The following SLC39A8 variants were observed in gnomAD, a reference collection of about 807,000 sequenced individuals.
SLC39A8 encodes the protein metal cation symporter ZIP8.
Under a neutral mutation model 40.4 loss-of-function variants are expected in SLC39A8, and 15 were observed. That is an observed-to-expected ratio of 0.37 (90% CI 0.25 to 0.57). SLC39A8 has a LOEUF of 0.57. Ranked by LOEUF, SLC39A8 falls within the 20% of genes least tolerant of loss-of-function variation. The pLI is 0.75. For missense variants in SLC39A8, 472 were observed against 558.8 expected (o/e 0.84, Z 1.57); for synonymous variants, 223 against 221.6 (o/e 1.01, Z -0.06).
chr4:102,323,202 TCTC>T (rs1177784246), intron 2 of SLC39A8, among the ~76,000 whole-genome samples: 1 of 152,204 alleles, frequency 6.6e-6, no homozygotes, highest in Non-Finnish European at 1.5e-5. Flanking sequence ...CCATTCCACT[TCTC>T]CTTCATTCTC....
chr4:102,260,802 T>C (rs1351716349), downstream of SLC39A8, among the ~76,000 whole-genome samples: 1 of 152,238 alleles, frequency 6.6e-6, no homozygotes, highest in East Asian at 1.9e-4. Flanking sequence ...CAAGTATAAC[T>C]ACCTCCACAA....
Position 102,307,609 on chromosome 4 carries a change from TGGGTCAGA to T in SLC39A8, c.383-12_383-5del, listed in dbSNP as rs1436884014. 6.2e-7 allele frequency: 1 copy of T among 1,611,600 alleles called. No homozygotes were observed. The highest frequency in any genetic ancestry group is 1.7e-5 in the Admixed American group (1 of 59,668). Reference sequence around the variant, plus strand: ...GACAGGAATCCATATCCCCAAACTGTGGGTCAGAGGGAAAAGAGAGTAGAAATTAATCA... The same window carrying T: ...GACAGGAATCCATATCCCCAAACTGTGGGAAAAGAGAGTAGAAATTAATCA... On this transcript the variant is annotated splice_polypyrimidine_tract_variant and splice_region_variant and intron_variant, in intron 3 of 8. Transcript: ENST00000356736.
At chr4:102,291,870 A>T (rs1337240122) in intron 6 of SLC39A8, among the ~76,000 whole-genome samples, 1 of 151,934 alleles carries the variant, frequency 6.6e-6, no homozygotes. Flanking sequence ...TGCAGCCTTT[A>T]AAAAGAAGGA....
intron 2 of SLC39A8, among the ~76,000 whole-genome samples, chr4:102,320,839 A>T (rs1182761975): frequency 1.3e-5 from 2 of 150,308 alleles, no homozygotes; most frequent in African/African-American, 4.9e-5. Flanking sequence ...GAACTCTAAC[A>T]TACCCCTATT....
chr4:102,265,452 T>A (rs1161899860), intron 8 of SLC39A8, among the ~76,000 whole-genome samples: 1 of 152,078 alleles, frequency 6.6e-6, no homozygotes, highest in Non-Finnish European at 1.5e-5. Flanking sequence ...TAACAGATAT[T>A]ATAATAATAA....
chr4:102,281,394 A>C (rs1732863258), intron 6 of SLC39A8, among the ~76,000 whole-genome samples: 1 of 152,188 alleles, frequency 6.6e-6, no homozygotes, highest in Non-Finnish European at 1.5e-5. Flanking sequence ...GCTGCCTGTC[A>C]TGTCTTAACA....
chr4:102,284,104 TTGTATTTTATG>T (rs1430147470), intron 6 of SLC39A8, among the ~76,000 whole-genome samples: 2 of 152,220 alleles, frequency 1.3e-5, no homozygotes, highest in African/African-American at 4.8e-5. Flanking sequence ...AAATTTATTT[TTGTATTTTATG>T]TGTATAAATG....
intron 2 of SLC39A8, among the ~76,000 whole-genome samples, chr4:102,316,419 T>C (rs944369882): frequency 1.3e-5 from 2 of 152,194 alleles, no homozygotes; most frequent in Non-Finnish European, 1.5e-5. Flanking sequence ...AACTTTTCTA[T>C]ATTAAGTTTT....
At position 102,332,223 on chromosome 4, in the gene SLC39A8, A is replaced by G. The variant is rs547637689; in HGVS notation, c.219+12221T>C. Among the ~76,000 whole-genome samples, 273 of 152,344 alleles carry G rather than the reference A, an allele frequency of 1.8e-3. 2 individuals carry two copies. Among genetic ancestry groups the G allele is most frequent in the African/African-American group, 6.3e-3 (262 of 41,576 alleles). On this transcript the variant is annotated intron_variant, in intron 2 of 8. Coordinates refer to ENST00000356736, the MANE Select transcript of SLC39A8 (RefSeq NM_001135146.2). Reference sequence around the variant, plus strand: ...GCAAAAGAAGCTATCATCAAAGTGAACAGGCAACCTACAGAATGGGTGAAA... The same window carrying G: ...GCAAAAGAAGCTATCATCAAAGTGAGCAGGCAACCTACAGAATGGGTGAAA...
chr4:102,271,830 C>A (rs983480644), intron 6 of SLC39A8, among the ~76,000 whole-genome samples: 1 of 152,160 alleles, frequency 6.6e-6, no homozygotes, highest in Non-Finnish European at 1.5e-5. Context: ...ACAGTGGGCT[C>A]AATACATATA....
At chr4:102,299,959 C>G (rs1432146208) in intron 6 of SLC39A8, among the ~76,000 whole-genome samples, 1 of 152,058 alleles carries the variant, frequency 6.6e-6, no homozygotes, top group African/African-American at 2.4e-5. Context: ...TGACTCCACA[C>G]TTGGCTACAC....
At chr4:102,344,936 G>C in intron 1 of SLC39A8, 21 bp from the exon 2 acceptor site, 1 of 1,236,176 alleles carries the variant, frequency 8.1e-7, no homozygotes, top group Non-Finnish European at 1.0e-6. Flanking sequence ...GAGGACAAAG[G>C]GGGACAGAGA....
At chr4:102,311,849 G>T (rs1734439402) in intron 3 of SLC39A8, among the ~76,000 whole-genome samples, 2 of 151,734 alleles carry the variant, frequency 1.3e-5, no homozygotes, top group Non-Finnish European at 2.9e-5. Context: ...TTATTGCTTT[G>T]GATGAGCTAA....
chr4:102,276,660 C>G (rs544492141), intron 6 of SLC39A8, among the ~76,000 whole-genome samples: 3 of 152,286 alleles, frequency 2.0e-5, no homozygotes, highest in Admixed American at 2.0e-4. Flanking sequence ...CATCCTGATA[C>G]CAAAACCAGG....
chr4:102,304,479 A>G lies in SLC39A8; in HGVS notation c.678T>C (p.Asn226=). The change falls in exon 6 of 9, where the codon AAT becomes AAC. Residue 226 remains asparagine, a splice_region_variant and synonymous_variant. Coordinates refer to ENST00000356736, the MANE Select transcript of SLC39A8 (RefSeq NM_001135146.2). ...LKMLLKTYGQ[N]GHTHFGNDNF... ...TATCATTTCCAAAGTGGGTATGACC[A>G]TTCTATATGGGAACAAAAACCAAAG... is the stretch of plus-strand genomic sequence containing the variant. 6.2e-7 allele frequency: 1 copy of G among 1,608,182 alleles called. No individual in the cohort carries two copies. Among genetic ancestry groups the G allele is most frequent in the Non-Finnish European group, 8.5e-7 (1 of 1,176,794 alleles).
At chr4:102,256,834 G>C (rs1422733955), downstream of SLC39A8, among the ~76,000 whole-genome samples, 2 of 152,172 alleles carry the variant, frequency 1.3e-5, no homozygotes, top group East Asian at 3.9e-4. Context: ...AGGTGAGGCA[G>C]GTCCATTAAT....
rs564436936 is a variant in SLC39A8, at chr4:102,316,828, A to C, written c.220-998T>G. On this transcript the variant is annotated intron_variant, in intron 2 of 8. Coordinates refer to ENST00000356736, the MANE Select transcript of SLC39A8 (RefSeq NM_001135146.2). ...ATGGTATTTGGAGATGGGGCCTTTG[A>C]GAGGTAATTAAGTTTAGATGAGTTC... is the stretch of plus-strand genomic sequence containing the variant. Among the ~76,000 whole-genome samples the C allele has an allele frequency of 1.6e-4, 24 of 152,218 alleles. No individual in the cohort carries two copies. The South Asian group carries it at 4.8e-3, about 30-fold the overall frequency.
chr4:102,282,013 G>T (rs1008619140), intron 6 of SLC39A8, among the ~76,000 whole-genome samples: 2 of 152,136 alleles, frequency 1.3e-5, no homozygotes, highest in Non-Finnish European at 2.9e-5. Flanking sequence ...ATATACCATC[G>T]TTTAATCTTC....
chr4:102,325,816 G>A (rs1057320130), intron 2 of SLC39A8, among the ~76,000 whole-genome samples: 1 of 152,130 alleles, frequency 6.6e-6, no homozygotes, highest in Admixed American at 6.5e-5. Flanking sequence ...ACAAAAGGCA[G>A]GCTGGAATTC....
Sources: allele counts gnomAD v4.1 joint callset (sites outside exome capture counted in the v4.1 genomes callset), GRCh38; gene constraint gnomAD v4.1.1; transcripts MANE v1.5; gene names NCBI Gene and HGNC (gene_info 2026-07-23, HGNC 2026-07-21).